GALNT18: variants seen among roughly 807,000 people sequenced by gnomAD.
GALNT18 encodes GalNAc-transferase 18.
In GALNT18, 44 loss-of-function variants were observed where a neutral mutation model predicts 69.5. The observed-to-expected ratio is 0.63, with a 90% CI of 0.50 to 0.81. The LOEUF (loss-of-function observed/expected upper bound fraction) is 0.81. Ranked by LOEUF, GALNT18 falls within the 40% of genes least tolerant of loss-of-function variation. The probability of loss-of-function intolerance (pLI) is 0.00; values close to 1 mark genes in which losing one functional copy is unlikely to be tolerated. For synonymous variants in GALNT18, 364 were observed against 318.2 expected, an observed-to-expected ratio of 1.14 and a Z score of -1.53; for missense variants, 715 against 810.0, an observed-to-expected ratio of 0.88 and a Z score of 1.42.
At chr11:11,366,424 G>A (rs1453899204) in intron 6 of GALNT18, among the ~76,000 whole-genome samples, 2 of 152,176 alleles carry the variant, frequency 1.3e-5, no homozygotes, top group African/African-American at 4.8e-5. Context: ...TGATATGCTT[G>A]TATAGAGAAC....
At chr11:11,348,379 AG>A (rs1415224142) in intron 6 of GALNT18, among the ~76,000 whole-genome samples, 1 of 139,314 alleles carries the variant, frequency 7.2e-6, no homozygotes, top group Non-Finnish European at 1.5e-5. Context: ...ACTTCGTCTC[AG>A]GAAAAAAAAA....
rs1464709170 is a variant in GALNT18 at position 11,596,686 on chromosome 11, G to GT, written c.235+24672dup. 1.3e-4 allele frequency among the ~76,000 whole-genome samples: 20 copies of GT among 151,832 alleles called. No homozygotes were observed. The highest frequency in any genetic ancestry group is 2.5e-4 in the Non-Finnish European group (17 of 67,878). On this transcript the variant is annotated intron_variant, in intron 1 of 10. Coordinates refer to ENST00000227756, the MANE Select transcript of GALNT18 (RefSeq NM_198516.3). This position sits in a 1 kb window ranked among gnomAD's most constrained non-coding sequence, Gnocchi z 4.2. ...ACTGATAGTGATAGAAATACAATTT[G>GT]TTTTTTTATATTGATCTTATATCCT...
rs377221343 is a variant in GALNT18, at chr11:11,446,156, C to T, written c.428+2588G>A. Among the ~76,000 whole-genome samples the T allele has an allele frequency of 1.7e-4, 26 of 152,348 alleles. 1 individual carries two copies. In the South Asian group the frequency reaches 5.0e-3, roughly 29 times the overall value. On this transcript the variant is annotated intron_variant, in intron 2 of 10. Coordinates refer to ENST00000227756, the MANE Select transcript of GALNT18 (RefSeq NM_198516.3). Reference sequence around the variant, plus strand: ...GTGTGACCTCAGACAACACTCTTTCCGCTCTTCAGTTTCCTCAACTCAAAC... The same window carrying T: ...GTGTGACCTCAGACAACACTCTTTCTGCTCTTCAGTTTCCTCAACTCAAAC...
rs1419473934 is a variant in GALNT18 at position 11,358,365 on chromosome 11, T to C, written c.1092+14150A>G. Among the ~76,000 whole-genome samples the C allele has an allele frequency of 2.1e-5, 3 of 139,992 alleles. No homozygotes were observed. In the East Asian group the frequency reaches 5.8e-4, roughly 27 times the overall value. The allele number at this position is 139,992 out of a possible 152,430, so 91.8% of individuals were successfully genotyped here. On this transcript the variant is annotated intron_variant, in intron 6 of 10. Coordinates refer to ENST00000227756, the MANE Select transcript of GALNT18 (RefSeq NM_198516.3). Reference sequence around the variant, plus strand: ...TATTTCTAATGCCAAACTTGCCACATTTTCCCCCTCAAACTATCTCAAATT... The same window carrying C: ...TATTTCTAATGCCAAACTTGCCACACTTTCCCCCTCAAACTATCTCAAATT...
At position 11,383,619 on chromosome 11, in the gene GALNT18, CCATT is replaced by C. The variant is rs140103358; in HGVS notation, c.596-4359_596-4356del. On this transcript the variant is annotated intron_variant, in intron 3 of 10. Coordinates refer to ENST00000227756, the MANE Select transcript of GALNT18 (RefSeq NM_198516.3). This position sits in a 1 kb window ranked among gnomAD's most constrained non-coding sequence, Gnocchi z 5.2. ...ACATAGAAATGAAGTGAGAGTTCAC[CCATT>C]CATTCATTCATTCATTCAACAAATA... Among the ~76,000 whole-genome samples, 4,437 of 152,128 alleles carry C rather than the reference CCATT, an allele frequency of 0.029. 159 individuals are homozygous for C. Among genetic ancestry groups the C allele is most frequent in the East Asian group, 0.18 (946 of 5,160 alleles).
chr11:11,348,551 T>C (rs7935484), intron 6 of GALNT18, among the ~76,000 whole-genome samples: 17,056 of 152,006 alleles, frequency 0.11, 3,065 homozygotes, highest in African/African-American at 0.38. Context: ...CCCACACTGG[T>C]AACCTTTAGT....
At chr11:11,438,738 C>T (rs891284777) in intron 2 of GALNT18, among the ~76,000 whole-genome samples, 7 of 152,092 alleles carry the variant, frequency 4.6e-5, no homozygotes, top group African/African-American at 7.2e-5. Flanking sequence ...AGACCTTGAG[C>T]GAGGGGCGAA....
At chr11:11,479,798 G>T (rs572891791) in intron 1 of GALNT18, among the ~76,000 whole-genome samples, 40 of 152,204 alleles carry the variant, frequency 2.6e-4, no homozygotes, top group African/African-American at 8.9e-4. Context: ...GAAGCTTGTG[G>T]ACCAATGTTT....
Position 11,587,431 on chromosome 11 carries a change from TG to T in GALNT18, c.235+33927del, listed in dbSNP as rs1451442363. On this transcript the variant is annotated intron_variant, in intron 1 of 10. Coordinates refer to ENST00000227756, the MANE Select transcript of GALNT18 (RefSeq NM_198516.3). The surrounding 1 kb of genome is among the most constrained non-coding windows in gnomAD (Gnocchi z 4.4). ...AGGAATCCGTTACACACCAAATCAG[TG>T]AAGACTGCATCCCAGCTTTTCTGCA... Among the ~76,000 whole-genome samples, 3 of 152,174 alleles carry T rather than the reference TG, an allele frequency of 2.0e-5. No homozygotes were observed. The highest frequency in any genetic ancestry group is 4.8e-5 in the African/African-American group (2 of 41,448).
chr11:11,565,444 T>C (rs1858622485), intron 1 of GALNT18, among the ~76,000 whole-genome samples: 2 of 152,142 alleles, frequency 1.3e-5, no homozygotes, highest in South Asian at 4.1e-4. Context: ...CCATCTCTCA[T>C]TTTGGTTCCT....
At chr11:11,384,397 G>A (rs1039952817) in intron 3 of GALNT18, among the ~76,000 whole-genome samples, 13 of 152,122 alleles carry the variant, frequency 8.5e-5, no homozygotes, top group Non-Finnish European at 1.0e-4. Flanking sequence ...TGTCTGGTGA[G>A]GGCCTTCTTG....
intron 1 of GALNT18, among the ~76,000 whole-genome samples, chr11:11,531,354 A>T (rs6484973): frequency 6.6e-6 from 1 of 152,176 alleles, no homozygotes; most frequent in East Asian, 1.9e-4. Flanking sequence ...CTGTACCACC[A>T]CTGCCTGTTC....
At chr11:11,440,590 A>G (rs1283655254) in intron 2 of GALNT18, among the ~76,000 whole-genome samples, 1 of 152,150 alleles carries the variant, frequency 6.6e-6, no homozygotes, top group Admixed American at 6.5e-5. Flanking sequence ...GGGGCTGGAG[A>G]GAAATTACTC....
At position 11,582,326 on chromosome 11, in the gene GALNT18, T is replaced by C. The variant is rs993651711; in HGVS notation, c.235+39033A>G. 1.3e-5 allele frequency among the ~76,000 whole-genome samples: 2 copies of C among 152,182 alleles called. No individual in the cohort carries two copies. Among genetic ancestry groups the C allele is most frequent in the Non-Finnish European group, 2.9e-5 (2 of 68,032 alleles). On this transcript the variant is annotated intron_variant, in intron 1 of 10. Transcript: ENST00000227756. The surrounding 1 kb of genome is among the most constrained non-coding windows in gnomAD (Gnocchi z 5.0). ...GGGCATGGCCAGGAGGCAAAGGGCCTTTGTTCCCAATCATTCACTGCCCCT... is the reference window on the plus strand; with the variant it reads ...GGGCATGGCCAGGAGGCAAAGGGCCCTTGTTCCCAATCATTCACTGCCCCT...
Position 11,332,906 on chromosome 11 carries a change from AC to A in GALNT18, c.1279-76del, listed in dbSNP as rs1441448341. 3.3e-6 allele frequency: 5 copies of A among 1,536,122 alleles called. No individual in the cohort carries two copies. Among genetic ancestry groups the A allele is most frequent in the Non-Finnish European group, 4.4e-6 (5 of 1,124,306 alleles). ...TCTCCCCAAACTCTACTTTGGCATG[AC>A]CTTGTGCCCCCAACAAGATTCCTAG... On this transcript the variant is annotated intron_variant, in intron 7 of 10. Transcript: ENST00000227756. This position sits in a 1 kb window ranked among gnomAD's most constrained non-coding sequence, Gnocchi z 4.3.
intron 1 of GALNT18, among the ~76,000 whole-genome samples, chr11:11,550,285 A>G (rs1335708136): frequency 6.6e-6 from 1 of 152,180 alleles, no homozygotes; most frequent in Admixed American, 6.5e-5. Context: ...GCAGGTTGCT[A>G]ACACCTCTTC....
chr11:11,537,365 G>GA (rs10718472), intron 1 of GALNT18, among the ~76,000 whole-genome samples: 56,407 of 151,926 alleles, frequency 0.37, 12,082 homozygotes, highest in Non-Finnish European at 0.46. Flanking sequence ...ACAAGTCAGG[G>GA]AAAAAAAAAT....
At chr11:11,395,775 G>C (rs1473345750) in intron 3 of GALNT18, among the ~76,000 whole-genome samples, 3 of 152,218 alleles carry the variant, frequency 2.0e-5, no homozygotes, top group Non-Finnish European at 4.4e-5. Context: ...TGAAGAAAGG[G>C]AACCTCACTC....
chr11:11,490,069 G>A lies in GALNT18; in HGVS notation c.236-41133C>T, dbSNP rs142148636. Among the ~76,000 whole-genome samples the A allele has an allele frequency of 3.0e-3, 462 of 152,270 alleles. 2 individuals carry two copies. The highest frequency in any genetic ancestry group is 0.011 in the African/African-American group (446 of 41,542). ...GCCTAATGATAGGTGTTTGCATCCT[G>A]GGGTCATTCACTTCATGAATGCATT... On this transcript the variant is annotated intron_variant, in intron 1 of 10. Coordinates refer to ENST00000227756, the MANE Select transcript of GALNT18 (RefSeq NM_198516.3).
Sources: gnomAD v4.1 joint callset for allele counts (sites outside exome capture counted in the v4.1 genomes callset) on GRCh38, gnomAD v4.1.1 for gene constraint, Gnocchi (gnomAD v3.1) non-coding constraint, MANE v1.5 for transcripts, NCBI Gene and HGNC (gene_info 2026-07-23, HGNC 2026-07-21) for gene names.